GRIA3: variants seen among roughly 807,000 people sequenced by gnomAD.
The protein encoded by GRIA3 is glutamate receptor 3.
GRIA3 carries 3 observed loss-of-function variants against 63.0 expected under a neutral mutation model. That is an observed-to-expected ratio of 0.05 (90% CI 0.02 to 0.12). The LOEUF is 0.12. Among genes scored for constraint, GRIA3 ranks in the 10% least tolerant of loss-of-function variants. The pLI, the probability that GRIA3 is intolerant of heterozygous loss-of-function variation, is 1.00. For synonymous variants in GRIA3, 274 were observed against 257.9 expected, an observed-to-expected ratio of 1.06 and a Z score of -0.60; for missense variants, 347 against 700.9, an observed-to-expected ratio of 0.50 and a Z score of 5.70.
chrX:123,464,211 T>C (rs926550805), intron 12 of GRIA3, among the ~76,000 whole-genome samples: 1 of 111,587 alleles, frequency 9.0e-6, no homozygotes, highest in Non-Finnish European at 1.9e-5. Context: ...ATACTACCTA[T>C]TGAATACAAT....
chrX:123,248,901 G>T (rs1212683896), intron 2 of GRIA3, among the ~76,000 whole-genome samples: 3 of 112,344 alleles, frequency 2.7e-5, no homozygotes, highest in African/African-American at 9.7e-5. Context: ...TCACCAATCT[G>T]CAACCAGCTC....
chrX:123,428,958 T>G (rs1247659971), intron 12 of GRIA3, among the ~76,000 whole-genome samples: 1 of 111,602 alleles, frequency 9.0e-6, no homozygotes, highest in Non-Finnish European at 1.9e-5. Flanking sequence ...AACTAAAATG[T>G]TTTTTCAGTT....
intron 10 of GRIA3, among the ~76,000 whole-genome samples, chrX:123,417,086 G>A (rs959933948): frequency 4.5e-5 from 5 of 112,129 alleles, no homozygotes; most frequent in Non-Finnish European, 9.4e-5. Flanking sequence ...ATAGTGACAT[G>A]TCACAAGGCA....
intron 4 of GRIA3, among the ~76,000 whole-genome samples, chrX:123,330,574 T>TG (rs1332359694): frequency 3.6e-5 from 4 of 111,851 alleles, no homozygotes. Context: ...ATGGGGCCTG[T>TG]GAGGAAAGGC....
intron 12 of GRIA3, among the ~76,000 whole-genome samples, chrX:123,456,750 C>A (rs2045763858): frequency 9.0e-6 from 1 of 111,578 alleles, no homozygotes; most frequent in Non-Finnish European, 1.9e-5. Flanking sequence ...TAGCACCTTG[C>A]CTTGTAAGGA....
At chrX:123,342,921 C>T (rs1313257457) in intron 4 of GRIA3, among the ~76,000 whole-genome samples, 3 of 110,679 alleles carry the variant, frequency 2.7e-5, no homozygotes, top group Non-Finnish European at 5.7e-5. Context: ...GCTGACCATC[C>T]CACAATAGTA....
intron 5 of GRIA3, among the ~76,000 whole-genome samples, chrX:123,381,705 A>G (rs1242116578): frequency 3.6e-5 from 4 of 111,579 alleles, no homozygotes; most frequent in African/African-American, 1.3e-4. Context: ...ATCAGTCTTT[A>G]ATTTTTGCAA....
chrX:123,329,130 A>G (rs1160175962), intron 4 of GRIA3, among the ~76,000 whole-genome samples: 2 of 111,782 alleles, frequency 1.8e-5, no homozygotes, highest in African/African-American at 6.5e-5. Context: ...GAGTGTATTC[A>G]GCTCTGTTTG....
intron 2 of GRIA3, among the ~76,000 whole-genome samples, chrX:123,249,109 G>A (rs1228940366): frequency 1.8e-5 from 2 of 111,787 alleles, no homozygotes; most frequent in African/African-American, 6.5e-5. Flanking sequence ...TGCCAATAAA[G>A]CTTTTCTAAG....
chrX:123,185,661 T>C (rs748900945), intron 1 of GRIA3, among the ~76,000 whole-genome samples, 171 bp from the exon 2 acceptor site: 3 of 111,017 alleles, frequency 2.7e-5, no homozygotes, highest in African/African-American at 9.9e-5. Flanking sequence ...AGGTTTCTCT[T>C]GGCCAAAATC....
Position 123,396,208 on chromosome X carries a change from T to TAATAATAAA in GRIA3, c.912+1087_912+1088insAAATAATAA, listed in dbSNP as rs1289491977. Among the ~76,000 whole-genome samples, 2 of 101,059 alleles carry TAATAATAAA rather than the reference T, an allele frequency of 2.0e-5. 1 individual carries two copies. The highest frequency in any genetic ancestry group is 2.2e-4 in the Admixed American group (2 of 9,239). The allele number at this position is 101,059 out of a possible 115,157, so 87.8% of individuals were successfully genotyped here. On this transcript the variant is annotated intron_variant, in intron 6 of 15. Transcript: ENST00000620443. ...GCTGGACTCCATCTCAAAATAATAA[T>TAATAATAAA]AATAATAATAATAATAATAATAATA...
intron 3 of GRIA3, among the ~76,000 whole-genome samples, chrX:123,265,132 G>A (rs906472498): frequency 2.7e-5 from 3 of 111,348 alleles, no homozygotes; most frequent in Non-Finnish European, 5.7e-5. Context: ...AGTTTAGAAG[G>A]GCAGCATGGA....
chrX:123,298,167 A>G (rs944662202), intron 3 of GRIA3, among the ~76,000 whole-genome samples: 1 of 111,293 alleles, frequency 9.0e-6, no homozygotes, highest in South Asian at 3.7e-4. Context: ...TGTCTCTGCT[A>G]TTGTGAATAT....
intron 5 of GRIA3, chrX:123,358,474 G>A (rs997648968): frequency 1.8e-5 from 2 of 111,836 alleles, no homozygotes; most frequent in African/African-American, 6.5e-5. Context: ...ACCTCTCAGA[G>A]GTCAAGATGT....
intron 3 of GRIA3, among the ~76,000 whole-genome samples, chrX:123,310,608 AG>A (rs1429617591): frequency 8.8e-6 from 1 of 113,135 alleles, no homozygotes; most frequent in African/African-American, 3.2e-5. Flanking sequence ...AATCAGGGTA[AG>A]GGAGCAGAAA....
intron 3 of GRIA3, among the ~76,000 whole-genome samples, chrX:123,301,589 A>G (rs1338918615): frequency 9.0e-6 from 1 of 111,680 alleles, no homozygotes; most frequent in Non-Finnish European, 1.9e-5. Flanking sequence ...TAAATGTCAG[A>G]TGCTACTATT....
At position 123,326,020 on chromosome X, in the gene GRIA3, C is replaced by T. The variant is rs758750340; in HGVS notation, c.509-6C>T. On this transcript the variant is annotated splice_region_variant and splice_polypyrimidine_tract_variant and intron_variant, in intron 3 of 15. Transcript: ENST00000620443. ...AAATCATTGAAGCTGTTTTTCCTTC[C>T]TTCAGGATTTTCCATCCTCCAAGCG... 5 of 1,199,591 alleles carry T rather than the reference C, an allele frequency of 4.2e-6. No individual in the cohort carries two copies. The South Asian group carries it at 8.8e-5, about 21-fold the overall frequency.
chrX:123,204,380 T>C (rs1368713772), intron 2 of GRIA3: 2 of 1,146,069 alleles, frequency 1.7e-6, no homozygotes, highest in South Asian at 3.8e-5. Flanking sequence ...CTGAACAATA[T>C]TTTACCTTTC....
chrX:123,316,185 T>C (rs374466857), intron 3 of GRIA3, among the ~76,000 whole-genome samples: 1 of 111,527 alleles, frequency 9.0e-6, no homozygotes, highest in African/African-American at 3.3e-5. Flanking sequence ...AATGTCAATA[T>C]ATAAAGGCTC....
Sources: allele counts gnomAD v4.1 joint callset (sites outside exome capture counted in the v4.1 genomes callset), GRCh38; gene constraint gnomAD v4.1.1; transcripts MANE v1.5; gene names NCBI Gene and HGNC (gene_info 2026-07-23, HGNC 2026-07-21).